DPF3: variants seen among roughly 807,000 people sequenced by gnomAD.
DPF3 encodes zinc finger protein DPF3.
In DPF3, 18 loss-of-function variants were observed where a neutral mutation model predicts 56.8. The observed-to-expected ratio is 0.32, with a 90% confidence interval of 0.22 to 0.47. DPF3 has a LOEUF of 0.47. DPF3 is among the 20% of genes least tolerant of loss of function. The pLI, the probability that DPF3 is intolerant of heterozygous loss-of-function variation, is 1.00. For synonymous variants in DPF3, 188 were observed against 180.2 expected, an observed-to-expected ratio of 1.04 and a Z score of -0.35; for missense variants, 403 against 488.8, an observed-to-expected ratio of 0.82 and a Z score of 1.65.
chr14:72,749,884 AAG>A (rs1440362865), intron 3 of DPF3, among the ~76,000 whole-genome samples: 1 of 151,904 alleles, frequency 6.6e-6, no homozygotes, highest in Admixed American at 6.5e-5. Flanking sequence ...AAAAGTAAGA[AAG>A]AGAGAGAGAG....
At chr14:72,878,865 A>G (rs1227438277) in intron 1 of DPF3, among the ~76,000 whole-genome samples, 1 of 152,234 alleles carries the variant, frequency 6.6e-6, no homozygotes, top group Non-Finnish European at 1.5e-5. Context: ...AGCAAGGCCA[A>G]ACCTGCATCT....
At chr14:72,807,590 A>G (rs182008786) in intron 1 of DPF3, among the ~76,000 whole-genome samples, 1 of 152,358 alleles carries the variant, frequency 6.6e-6, no homozygotes, top group East Asian at 1.9e-4. Context: ...CTGTAATCCC[A>G]GAACTTGGGG....
chr14:72,663,916 T>C (rs917531636), intron 8 of DPF3, among the ~76,000 whole-genome samples: 1 of 152,100 alleles, frequency 6.6e-6, no homozygotes, highest in African/African-American at 2.4e-5. Flanking sequence ...GATTAGATGC[T>C]CTTCCAAAGC....
Position 72,633,683 on chromosome 14 carries a change from C to T in DPF3, c.872-3947G>A, listed in dbSNP as rs77635149. Reference sequence around the variant, plus strand: ...GCAAAAGCTACCCTACTAATAATAACACGCTTCAGTCATGCCATCTTCCCA... The same window carrying T: ...GCAAAAGCTACCCTACTAATAATAATACGCTTCAGTCATGCCATCTTCCCA... On this transcript the variant is annotated intron_variant, in intron 8 of 10. Transcript: ENST00000556509. Among the ~76,000 whole-genome samples the T allele has an allele frequency of 9.3e-4, 141 of 152,258 alleles. 1 individual carries two copies. The East Asian group carries it at 0.025, about 26-fold the overall frequency.
chr14:72,712,275 G>T (rs571531671), intron 6 of DPF3, among the ~76,000 whole-genome samples: 7 of 152,296 alleles, frequency 4.6e-5, no homozygotes, highest in African/African-American at 1.7e-4. Context: ...AAGCCATGGG[G>T]ACTCAGGAGA....
At chr14:72,861,186 G>A (rs1169043714) in intron 1 of DPF3, among the ~76,000 whole-genome samples, 1 of 151,804 alleles carries the variant, frequency 6.6e-6, no homozygotes, top group Non-Finnish European at 1.5e-5. Flanking sequence ...CGCTCACTCT[G>A]TGTATGTATG....
At position 72,610,703 on chromosome 14, in the gene DPF3, C is replaced by T. The variant is rs949094799; in HGVS notation, c.*8594G>A. On this transcript the variant is annotated 3_prime_UTR_variant, in exon 11 of 11. Coordinates refer to ENST00000556509, the MANE Select transcript of DPF3 (RefSeq NM_001280542.3). Reference sequence around the variant, plus strand: ...AGACCGTGTTCTCAGCCTGAGAGCGCGCTCAAGGGCAGGTGGGAGATGGAG... The same window carrying T: ...AGACCGTGTTCTCAGCCTGAGAGCGTGCTCAAGGGCAGGTGGGAGATGGAG... 3.3e-5 allele frequency among the ~76,000 whole-genome samples: 5 copies of T among 152,200 alleles called. No individual in the cohort carries two copies. The highest frequency in any genetic ancestry group is 4.8e-5 in the African/African-American group (2 of 41,446).
intron 1 of DPF3, among the ~76,000 whole-genome samples, chr14:72,820,442 T>G (rs540830360): frequency 6.6e-6 from 1 of 152,190 alleles, no homozygotes; most frequent in Non-Finnish European, 1.5e-5. Context: ...GTTTTTGTTT[T>G]TTGCTTTGAT....
chr14:72,718,834 C>T (rs1475948156), intron 5 of DPF3, among the ~76,000 whole-genome samples: 2 of 128,828 alleles, frequency 1.6e-5, no homozygotes, highest in African/African-American at 3.0e-5. Flanking sequence ...GGCTCAATCT[C>T]GGCTCACTGC....
intron 6 of DPF3, among the ~76,000 whole-genome samples, chr14:72,701,086 G>A (rs1417623340): frequency 2.0e-5 from 3 of 152,190 alleles, no homozygotes; most frequent in African/African-American, 4.8e-5. Context: ...AATATCTGTC[G>A]TGCGGAATCA....
intron 8 of DPF3, among the ~76,000 whole-genome samples, chr14:72,641,640 C>A (rs1599323614): frequency 6.6e-6 from 1 of 152,300 alleles, no homozygotes; most frequent in South Asian, 2.1e-4. Flanking sequence ...GGAGGAGCAG[C>A]ACTGGGAGCC....
intron 1 of DPF3, among the ~76,000 whole-genome samples, chr14:72,830,929 G>T (rs933924309): frequency 9.9e-5 from 15 of 152,090 alleles, no homozygotes; most frequent in African/African-American, 3.6e-4. Context: ...TAAGCCTGGC[G>T]CACCTCGGGC....
chr14:72,827,516 T>G (rs1284493132), intron 1 of DPF3, among the ~76,000 whole-genome samples: 1 of 121,364 alleles, frequency 8.2e-6, no homozygotes, highest in Non-Finnish European at 1.7e-5. Context: ...TTTTTTTTTT[T>G]GAGACAGAGT....
At chr14:72,890,453 T>C (rs1011935550) in intron 1 of DPF3, among the ~76,000 whole-genome samples, 1 of 151,354 alleles carries the variant, frequency 6.6e-6, no homozygotes, top group Non-Finnish European at 1.5e-5. Context: ...ATCCTGCTGC[T>C]GCACTCCAGC....
At chr14:72,754,518 C>T (rs1890709451) in intron 2 of DPF3, among the ~76,000 whole-genome samples, 1 of 152,204 alleles carries the variant, frequency 6.6e-6, no homozygotes, top group African/African-American at 2.4e-5. Flanking sequence ...AAAATCACAA[C>T]TCTGTCTTCT....
At chr14:72,619,823 T>C in intron 10 of DPF3, 80 bp downstream of exon 10, 1 of 1,317,158 alleles carries the variant, frequency 7.6e-7, no homozygotes, top group South Asian at 1.5e-5. Flanking sequence ...GCATAAGGCC[T>C]GTACCATAGT....
At chr14:72,714,174 G>C (rs1263800138) in intron 6 of DPF3, among the ~76,000 whole-genome samples, 1 of 152,352 alleles carries the variant, frequency 6.6e-6, no homozygotes, top group East Asian at 1.9e-4. Flanking sequence ...GGCAGGAGGT[G>C]GGGGTGCAGA....
intron 1 of DPF3, among the ~76,000 whole-genome samples, chr14:72,842,500 G>A (rs572378868): frequency 5.9e-5 from 9 of 152,268 alleles, no homozygotes; most frequent in Admixed American, 1.3e-4. Flanking sequence ...AGAAGATTCC[G>A]TTCGATGGGG....
intron 1 of DPF3, among the ~76,000 whole-genome samples, chr14:72,868,413 C>T (rs2140107815): frequency 6.6e-6 from 1 of 152,326 alleles, no homozygotes; most frequent in Middle Eastern, 3.4e-3. Context: ...TTTAAAGCAT[C>T]CCTTTGTTGT....
Sources: gnomAD v4.1 joint callset for allele counts (sites outside exome capture counted in the v4.1 genomes callset) on GRCh38, gnomAD v4.1.1 for gene constraint, MANE v1.5 for transcripts, NCBI Gene and HGNC (gene_info 2026-07-23, HGNC 2026-07-21) for gene names.